PCDH7: variants seen among roughly 807,000 people sequenced by gnomAD.
PCDH7 encodes protocadherin-7.
PCDH7 carries 17 observed loss-of-function variants against 58.9 expected under a neutral mutation model. The observed-to-expected ratio is 0.29, with a 90% CI of 0.20 to 0.43. The LOEUF is 0.43. Among genes scored for constraint, PCDH7 ranks in the 20% least tolerant of loss-of-function variants. The pLI is 1.00. For synonymous variants in PCDH7, 664 were observed against 616.4 expected, an observed-to-expected ratio of 1.08 and a Z score of -1.14; for missense variants, 1,274 against 1,441.0, an observed-to-expected ratio of 0.88 and a Z score of 1.88.
At chr4:31,010,480 T>C (rs1753087217) in intron 3 of PCDH7, among the ~76,000 whole-genome samples, 1 of 151,966 alleles carries the variant, frequency 6.6e-6, no homozygotes, top group South Asian at 2.1e-4. Flanking sequence ...AAAGGTAAGA[T>C]TATATGAGAT....
intron 3 of PCDH7, among the ~76,000 whole-genome samples, chr4:31,026,645 G>A (rs1560585312): frequency 1.3e-5 from 2 of 151,996 alleles, no homozygotes; most frequent in Non-Finnish European, 2.9e-5. Context: ...AAAACATTCT[G>A]CCACCTTGGC....
downstream of PCDH7, among the ~76,000 whole-genome samples, chr4:30,736,280 C>T (rs545463283): frequency 6.8e-4 from 104 of 152,186 alleles, 1 homozygote; most frequent in Non-Finnish European, 1.1e-3. Flanking sequence ...AAAGAGCTCT[C>T]CTACCCCATA....
chr4:31,091,904 G>T (rs1713303426), intron 3 of PCDH7, among the ~76,000 whole-genome samples: 1 of 151,892 alleles, frequency 6.6e-6, no homozygotes, highest in Non-Finnish European at 1.5e-5. Flanking sequence ...TGAAAAATTA[G>T]GAGTATTTTT....
At chr4:31,091,366 A>G (rs1049839170) in intron 3 of PCDH7, among the ~76,000 whole-genome samples, 18 of 152,060 alleles carry the variant, frequency 1.2e-4, no homozygotes, top group African/African-American at 4.3e-4. Context: ...ATGCTTATTG[A>G]TTTGATTTGT....
At chr4:30,823,874 A>G (rs1403725203) in intron 1 of PCDH7, among the ~76,000 whole-genome samples, 2 of 152,104 alleles carry the variant, frequency 1.3e-5, no homozygotes, top group South Asian at 2.1e-4. Flanking sequence ...TAGGGTTATC[A>G]TTTACATTTC....
chr4:31,018,964 A>T (rs59407249), intron 3 of PCDH7, among the ~76,000 whole-genome samples: 2 of 152,148 alleles, frequency 1.3e-5, no homozygotes, highest in African/African-American at 4.8e-5. Flanking sequence ...TTAAAGCTTA[A>T]GATAAATAGG....
At chr4:30,763,866 T>C (rs1400308277) in intron 1 of PCDH7, among the ~76,000 whole-genome samples, 5 of 152,188 alleles carry the variant, frequency 3.3e-5, no homozygotes, top group African/African-American at 1.2e-4. Flanking sequence ...ATTCACTGTG[T>C]AACCTTTACT....
At chr4:30,737,536 ATGTG>A (rs67912867), downstream of PCDH7, among the ~76,000 whole-genome samples, 6,133 of 150,990 alleles carry the variant, frequency 0.041, 296 homozygotes, top group African/African-American at 0.12. Context: ...ATGTATACAT[ATGTG>A]TGTGTGTGTG....
intron 2 of PCDH7, among the ~76,000 whole-genome samples, chr4:30,949,855 AGGATAAAAT>A (rs1201716975): frequency 1.3e-5 from 2 of 151,764 alleles, no homozygotes; most frequent in African/African-American, 2.4e-5. Flanking sequence ...TTAAAAAATG[AGGATAAAAT>A]GGTGGCTCAT....
At chr4:30,915,532 T>C (rs1290974601) in intron 1 of PCDH7, among the ~76,000 whole-genome samples, 2 of 152,138 alleles carry the variant, frequency 1.3e-5, no homozygotes, top group Non-Finnish European at 2.9e-5. Flanking sequence ...GTTGTTGTTG[T>C]TGTTGTTTTT....
intron 3 of PCDH7, among the ~76,000 whole-genome samples, chr4:30,977,898 G>A (rs1056031872): frequency 9.2e-5 from 14 of 152,044 alleles, no homozygotes; most frequent in African/African-American, 3.4e-4. Context: ...AAAATTATTT[G>A]GTATTAAAAT....
At chr4:30,981,798 T>C (rs1469876538) in intron 3 of PCDH7, among the ~76,000 whole-genome samples, 2 of 152,214 alleles carry the variant, frequency 1.3e-5, no homozygotes, top group Non-Finnish European at 1.5e-5. Context: ...ACTGATTTTT[T>C]CTTTTTAAAA....
chr4:31,098,845 T>C (rs937170897), intron 3 of PCDH7, among the ~76,000 whole-genome samples: 1 of 152,218 alleles, frequency 6.6e-6, no homozygotes, highest in Non-Finnish European at 1.5e-5. Flanking sequence ...CTGGAAGTTC[T>C]GGAGGCTGAA....
intron 1 of PCDH7, among the ~76,000 whole-genome samples, chr4:30,815,606 G>T (rs973158398): frequency 6.6e-6 from 1 of 152,174 alleles, no homozygotes; most frequent in African/African-American, 2.4e-5. Flanking sequence ...GTTTACTGAC[G>T]TTGAGCACAT....
intron 3 of PCDH7, among the ~76,000 whole-genome samples, chr4:31,081,585 T>TA (rs1759513194): frequency 2.0e-5 from 3 of 152,160 alleles, no homozygotes; most frequent in Non-Finnish European, 2.9e-5. Flanking sequence ...GCAACATTAT[T>TA]AGTTTTGGTT....
intron 1 of PCDH7, among the ~76,000 whole-genome samples, chr4:30,796,141 T>G (rs1218542220): frequency 6.6e-6 from 1 of 152,218 alleles, no homozygotes; most frequent in Non-Finnish European, 1.5e-5. Context: ...TCATTTTTCT[T>G]GCCATTCAGT....
chr4:30,823,952 A>C (rs1315644603), intron 1 of PCDH7, among the ~76,000 whole-genome samples: 1 of 152,076 alleles, frequency 6.6e-6, no homozygotes, highest in Non-Finnish European at 1.5e-5. Flanking sequence ...TCAAATTTGG[A>C]ATAAAGAACC....
At chr4:30,754,184 G>T (rs552939440) in intron 1 of PCDH7, among the ~76,000 whole-genome samples, 318 of 140,368 alleles carry the variant, frequency 2.3e-3, no homozygotes, top group African/African-American at 9.6e-3. Context: ...GTGTGTGTGT[G>T]TGTGTTTTTT....
chr4:30,814,864 T>C (rs184799005), intron 1 of PCDH7, among the ~76,000 whole-genome samples: 17 of 152,254 alleles, frequency 1.1e-4, no homozygotes, highest in Non-Finnish European at 2.1e-4. Flanking sequence ...ATAATTTTTA[T>C]TAAAGCAAAT....
Sources: gnomAD v4.1 joint callset for allele counts (sites outside exome capture counted in the v4.1 genomes callset) on GRCh38, gnomAD v4.1.1 for gene constraint, MANE v1.5 for transcripts, NCBI Gene and HGNC (gene_info 2026-07-23, HGNC 2026-07-21) for gene names.